DST: variants seen among roughly 807,000 people sequenced by gnomAD.
DST encodes the protein dystonin, also known as bullous pemphigoid antigen.
DST carries 253 observed loss-of-function variants against 875.2 expected under a neutral mutation model. The ratio of observed to expected loss-of-function variants is 0.29; its 90% CI spans 0.26 to 0.32. The LOEUF is 0.32. Among genes scored for constraint, DST ranks in the 10% least tolerant of loss-of-function variants. The probability of loss-of-function intolerance (pLI) is 1.00; values close to 1 mark genes in which losing one functional copy is unlikely to be tolerated. For missense variants in DST, 8,287 were observed against 9,111.6 expected (o/e 0.91, Z 3.68); for synonymous variants, 3,124 against 3,197.1 (o/e 0.98, Z 0.77).
At chr6:56,625,972 TAAA>T (rs76788667) in intron 34 of DST, among the ~76,000 whole-genome samples, 6 of 74,996 alleles carry the variant, frequency 8.0e-5, no homozygotes, top group South Asian at 4.8e-4. Flanking sequence ...GTTTAAAAAG[TAAA>T]AAAAAAAAAA....
At position 56,578,852 on chromosome 6, in the gene DST, G is replaced by A; in HGVS notation, c.12989C>T (p.Ser4330Phe). The change falls in exon 50 of 104, where the codon TCT becomes TTT. Residue 4330 changes from serine (S) to phenylalanine (F), a missense_variant. Physicochemically the swap from Ser to Phe is radical, Grantham distance 155. This residue lies in a region of DST where 1,513 missense variants were observed against 1,677.8 expected (regional missense o/e 0.90). Transcript: ENST00000680361. ...GATATCATTCTTGGCTGGAAGTAAA[G>A]ATCCCCTGGCATCTAAAAGCACTTC... ...TAEVLLDARGSLLPAKNDIQK... is the reference protein window; with the variant it reads ...TAEVLLDARGFLLPAKNDIQK... 2 of 1,611,736 alleles carry A rather than the reference G, an allele frequency of 1.2e-6. No homozygotes were observed. The highest frequency in any genetic ancestry group is 1.7e-6 in the Non-Finnish European group (2 of 1,178,952).
rs2152739507 is a variant in DST, at chr6:56,620,351, C to G, written c.4929+4179G>C. On this transcript the variant is annotated intron_variant, in intron 36 of 103. Coordinates refer to ENST00000680361, the MANE Select transcript of DST (RefSeq NM_001374736.1). ...CAGGAGGTTCTCTTCCACGGCAGCT[C>G]TTTTAGCCTCGGCCTCTATGGTGAG... 6.2e-7 allele frequency: 1 copy of G among 1,614,182 alleles called. No homozygotes were observed. Among genetic ancestry groups the G allele is most frequent in the Non-Finnish European group, 8.5e-7 (1 of 1,180,026 alleles).
At chr6:56,853,039 C>CT (rs1471580481) in intron 3 of DST, among the ~76,000 whole-genome samples, 1 of 152,214 alleles carries the variant, frequency 6.6e-6, no homozygotes, top group African/African-American at 2.4e-5. Flanking sequence ...ATTTATTTTT[C>CT]TTTTTTGTGG....
chr6:56,775,993 T>C (rs1489657252), intron 4 of DST, among the ~76,000 whole-genome samples: 1 of 152,102 alleles, frequency 6.6e-6, no homozygotes, highest in African/African-American at 2.4e-5. Context: ...ATGATGTAAG[T>C]AAGGATGGGG....
At chr6:56,583,454 T>C (rs947306340) in intron 49 of DST, among the ~76,000 whole-genome samples, 9 of 152,312 alleles carry the variant, frequency 5.9e-5, no homozygotes, top group African/African-American at 9.6e-5. Flanking sequence ...TTTGTTTTTT[T>C]CCCGTAAATT....
Position 56,573,777 on chromosome 6 carries a change from T to G in DST, c.13138A>C (p.Met4380Leu). The part of the protein sequence containing the change: ...SLSVQDGLDE[M>L]LDWMGNVESS... ...TCCACATTTCCCATCCAGTCCAGCATTTCATCCAAGCCATCCTGCACACTC... is the reference window on the plus strand; with the variant it reads ...TCCACATTTCCCATCCAGTCCAGCAGTTCATCCAAGCCATCCTGCACACTC... The change falls in exon 51 of 104, where the codon ATG (methionine) becomes CTG (leucine). Residue 4380 changes from methionine (M) to leucine (L), a missense_variant. By Grantham distance (15) the Met-to-Leu change is conservative (BLOSUM62 2). Coordinates refer to ENST00000680361, the MANE Select transcript of DST (RefSeq NM_001374736.1). 2 of 1,613,722 alleles carry G rather than the reference T, an allele frequency of 1.2e-6. No individual in the cohort carries two copies. Among genetic ancestry groups the G allele is most frequent in the Non-Finnish European group, 1.7e-6 (2 of 1,179,732 alleles).
At chr6:56,774,731 G>A (rs184947789) in intron 4 of DST, among the ~76,000 whole-genome samples, 29 of 152,208 alleles carry the variant, frequency 1.9e-4, no homozygotes, top group African/African-American at 6.5e-4. Context: ...GATGGCTCAC[G>A]CCTCTAATCC....
intron 84 of DST, 147 bp downstream of exon 84, chr6:56,492,787 C>T (rs978780666): frequency 1.3e-5 from 9 of 677,640 alleles, no homozygotes; most frequent in African/African-American, 3.7e-5. Context: ...GCACAAGAAT[C>T]GCTTGAACCG....
At chr6:56,549,419 A>C (rs1024965138) in intron 61 of DST, among the ~76,000 whole-genome samples, 4 of 152,198 alleles carry the variant, frequency 2.6e-5, no homozygotes, top group African/African-American at 4.8e-5. Context: ...AATTTAAAAA[A>C]CTTTCCAAAA....
intron 2 of DST, among the ~76,000 whole-genome samples, chr6:56,922,121 A>T (rs989797793): frequency 3.9e-5 from 6 of 152,156 alleles, no homozygotes; most frequent in African/African-American, 1.4e-4. Context: ...CCATGCACTG[A>T]TTCAGTTAGC....
chr6:56,615,809 A>C, intron 36 of DST: 1 of 1,613,930 alleles, frequency 6.2e-7, no homozygotes, highest in Non-Finnish European at 8.5e-7. Context: ...CAAACATCGG[A>C]TTCCCATTTC....
chr6:56,618,563 T>C lies in DST; in HGVS notation c.4930-4079A>G, dbSNP rs142961618. The C allele has an allele frequency of 5.3e-5, 85 of 1,614,110 alleles. 1 individual carries two copies. Among genetic ancestry groups the C allele is most frequent in the African/African-American group, 6.7e-5 (5 of 74,954 alleles). ...CTCAAGTTTCTGACATTTTTGGTAA[T>C]GATTTGCTTCCATGTGCTGCCCTTG... is the stretch of plus-strand genomic sequence containing the variant. On this transcript the variant is annotated intron_variant, in intron 36 of 103. Coordinates refer to ENST00000680361, the MANE Select transcript of DST (RefSeq NM_001374736.1).
chr6:56,487,426 G>A (rs903790249), intron 86 of DST, among the ~76,000 whole-genome samples, 153 bp from the exon 87 acceptor site: 1 of 152,076 alleles, frequency 6.6e-6, no homozygotes, highest in African/African-American at 2.4e-5. Flanking sequence ...ACTTTACCAT[G>A]GTACGAAAGC....
At chr6:56,508,221 A>G (rs902874604) in intron 75 of DST, among the ~76,000 whole-genome samples, 1 of 152,112 alleles carries the variant, frequency 6.6e-6, no homozygotes, top group African/African-American at 2.4e-5. Context: ...TTTAGTAGAG[A>G]CAGGGTTTCG....
At chr6:56,800,883 G>A (rs755157557) in intron 4 of DST, among the ~76,000 whole-genome samples, 1 of 151,860 alleles carries the variant, frequency 6.6e-6, no homozygotes, top group Non-Finnish European at 1.5e-5. Context: ...AGCCAGGCAT[G>A]GTGGCACACA....
At chr6:56,598,841 TATGTTAA>T in intron 45 of DST, 132 bp from the exon 46 acceptor site, 1 of 437,002 alleles carries the variant, frequency 2.3e-6, no homozygotes, top group Admixed American at 4.0e-5. Context: ...ACATATTGAG[TATGTTAA>T]TTTGAGTTTC....
intron 4 of DST, among the ~76,000 whole-genome samples, chr6:56,826,922 T>C (rs757343730): frequency 6.6e-6 from 1 of 152,230 alleles, no homozygotes; most frequent in Non-Finnish European, 1.5e-5. Flanking sequence ...ACGAGAGCAC[T>C]GTTTCCCCAT....
Position 56,900,611 on chromosome 6 carries a change from G to T in DST, c.227C>A (p.Ala76Glu). Residue 76 changes from alanine to glutamate, a missense_variant, in exon 3 of 104, where the codon GCA becomes GAA. Ala to Glu is a moderately radical substitution (Grantham distance 107). Coordinates refer to ENST00000680361, the MANE Select transcript of DST (RefSeq NM_001374736.1). ...SHHFRSEGFR[A>E]SPRHLRRRVA... ...TCGTCTTCTAAGATGCCGAGGGCTT[G>T]CTCTGAATCCCTGTGGCAGAAAACA... is the stretch of plus-strand genomic sequence containing the variant. 7.3e-7 allele frequency: 1 copy of T among 1,367,550 alleles called. No homozygotes were observed. Among genetic ancestry groups the T allele is most frequent in the Non-Finnish European group, 9.8e-7 (1 of 1,021,790 alleles). 84.7% of individuals were successfully genotyped at this position (1,367,550 alleles called of 1,614,324 possible). A position where few individuals can be genotyped will look rare whatever the true frequency, so the allele number is the denominator to read the frequency against.
At chr6:56,571,223 G>A (rs527924732) in intron 53 of DST, among the ~76,000 whole-genome samples, 2 of 152,282 alleles carry the variant, frequency 1.3e-5, no homozygotes, top group South Asian at 4.1e-4. Flanking sequence ...GCAGAATACT[G>A]GCAGATAAGA....
Sources: gnomAD v4.1 joint callset for allele counts (sites outside exome capture counted in the v4.1 genomes callset) on GRCh38, gnomAD v4.1.1 for gene constraint, gnomAD v4.1.1 regional missense constraint, MANE v1.5 for transcripts, NCBI Gene and HGNC (gene_info 2026-07-23, HGNC 2026-07-21) for gene names.